Variants in PAQR3 observed in about 807,000 individuals in gnomAD.
PAQR3 encodes progestin and adipoQ receptor family member 3.
In PAQR3, 39 loss-of-function variants were observed where a neutral mutation model predicts 41.7. The ratio of observed to expected loss-of-function variants is 0.93; its 90% CI spans 0.72 to 1.22. The LOEUF (loss-of-function observed/expected upper bound fraction) is 1.22, where lower values mean the gene tolerates loss of function less well. Ranked by LOEUF, PAQR3 falls within the 50% of genes most tolerant of loss-of-function variation. The pLI is 0.00. For synonymous variants in PAQR3, 140 were observed against 140.6 expected (o/e 1.00, Z 0.03); for missense variants, 366 against 385.6 (o/e 0.95, Z 0.42).
chr4:78,939,205 T>A lies in PAQR3; in HGVS notation c.20A>T (p.Lys7Met), dbSNP rs1737775579. 2.5e-6 allele frequency: 4 copies of A among 1,601,926 alleles called. No homozygotes were observed. The highest frequency in any genetic ancestry group is 1.4e-5 in the African/African-American group (1 of 73,660). The change falls in exon 1 of 6, where the codon AAG becomes ATG. Residue 7 changes from lysine (K) to methionine (M), a missense_variant. Lys to Met is a moderately conservative substitution (Grantham distance 95). Coordinates refer to ENST00000512733, the MANE Select transcript of PAQR3 (RefSeq NM_001040202.2). Reference protein sequence around the residue: MHQKLLKSAHYIELGSY... With the variant: MHQKLLMSAHYIELGSY... ...GCCCAGCTCGATGTAATGCGCGCTC[T>A]TCAGCAGCTTCTGATGCATCGTTCC...
rs764573433 is a variant in PAQR3 at position 78,939,194 on chromosome 4, A to G, written c.31T>C (p.Tyr11His). 1.2e-6 allele frequency: 2 copies of G among 1,608,530 alleles called. No individual in the cohort carries two copies. The highest frequency in any genetic ancestry group is 1.7e-6 in the Non-Finnish European group (2 of 1,177,694). Residue 11 changes from tyrosine (Y) to histidine (H), a missense_variant, in exon 1 of 6, where the codon TAC becomes CAC. Tyr to His is a moderately conservative substitution (Grantham distance 83). Transcript: ENST00000512733. MHQKLLKSAH[Y>H]IELGSYQYWP... ...TACTGGTAGCTGCCCAGCTCGATGT[A>G]ATGCGCGCTCTTCAGCAGCTTCTGA...
downstream of PAQR3, chr4:78,911,234 A>G: frequency 6.2e-7 from 1 of 1,613,980 alleles, no homozygotes; most frequent in Non-Finnish European, 8.5e-7. Flanking sequence ...GAGGAATTTG[A>G]TGTATTCACA....
At chr4:78,927,093 T>C (rs1284111521) in intron 3 of PAQR3, among the ~76,000 whole-genome samples, 1 of 152,182 alleles carries the variant, frequency 6.6e-6, no homozygotes, top group Non-Finnish European at 1.5e-5. Flanking sequence ...AATCTTATGG[T>C]AGATACCGTA....
intron 1 of PAQR3, 67 bp downstream of exon 1, chr4:78,938,973 G>A: frequency 7.0e-7 from 1 of 1,429,388 alleles, no homozygotes; most frequent in Admixed American, 2.0e-5. Flanking sequence ...AAAGCAGAAG[G>A]GGGACCAGAC....
At chr4:78,894,294 A>G (rs1560550339) in intron 11 of PAQR3, among the ~76,000 whole-genome samples, 1 of 152,206 alleles carries the variant, frequency 6.6e-6, no homozygotes, top group Non-Finnish European at 1.5e-5. Context: ...ATAGCTCTAA[A>G]AGTCCTAGAT....
At chr4:78,924,616 A>G (rs1303365044) in intron 4 of PAQR3, among the ~76,000 whole-genome samples, 1 of 152,080 alleles carries the variant, frequency 6.6e-6, no homozygotes, top group Non-Finnish European at 1.5e-5. Flanking sequence ...CAACACAGTA[A>G]GACCCCTCTC....
rs1269925550 is a variant in PAQR3 at position 78,913,704 on chromosome 4, A to G, written c.*6835T>C. 1.3e-5 allele frequency: 2 copies of G among 152,174 alleles called. No homozygotes were observed. Among genetic ancestry groups the G allele is most frequent in the Non-Finnish European group, 2.9e-5 (2 of 68,004 alleles). The allele number at this position is 152,174 out of a possible 1,614,324, so 9.4% of individuals were successfully genotyped here. ...TTCTGAACTTGGAAAGAAGCAAAGT[A>G]TATGTAACTAAACCACATATTTGTC... is the stretch of plus-strand genomic sequence containing the variant. On this transcript the variant is annotated 3_prime_UTR_variant, in exon 6 of 6. Coordinates refer to ENST00000512733, the MANE Select transcript of PAQR3 (RefSeq NM_001040202.2).
downstream of PAQR3, among the ~76,000 whole-genome samples, chr4:78,909,950 T>A (rs1166423518): frequency 7.5e-6 from 1 of 132,500 alleles, no homozygotes. Context: ...TTTAGATTTG[T>A]TTTTAAAGGA....
At chr4:78,897,428 G>T (rs1733760487) in intron 11 of PAQR3, among the ~76,000 whole-genome samples, 1 of 151,548 alleles carries the variant, frequency 6.6e-6, no homozygotes, top group Non-Finnish European at 1.5e-5. Context: ...GTACAAATGT[G>T]TCTCTGCTAT....
intron 2 of PAQR3, among the ~76,000 whole-genome samples, chr4:78,932,085 G>A (rs1462182768): frequency 6.6e-6 from 1 of 152,128 alleles, no homozygotes; most frequent in African/African-American, 2.4e-5. Flanking sequence ...TATTGCTAAG[G>A]CAGTAACATG....
At position 78,917,071 on chromosome 4, in the gene PAQR3, G is replaced by C. The variant is rs1400285294; in HGVS notation, c.*3468C>G. On this transcript the variant is annotated 3_prime_UTR_variant, in exon 6 of 6. Coordinates refer to ENST00000512733, the MANE Select transcript of PAQR3 (RefSeq NM_001040202.2). ...TGATTAGAAAAGTTCTATTAACAAA[G>C]AATAGTTTGCAGTGTATTACTGTTC... 1 of 151,914 alleles carries C rather than the reference G, an allele frequency of 6.6e-6. No homozygotes were observed. The highest frequency in any genetic ancestry group is 2.4e-5 in the African/African-American group (1 of 41,416). 9.4% of individuals were successfully genotyped at this position (151,914 alleles called of 1,614,324 possible). A position where few individuals can be genotyped will look rare whatever the true frequency, so the allele number is the denominator to read the frequency against.
rs1460993179 is a variant in PAQR3 at position 78,895,927 on chromosome 4, AATTT to A, written c.*837-7783_*837-7780del. On this transcript the variant is annotated intron_variant and NMD_transcript_variant, in intron 11 of 12. Coordinates refer to the PAQR3 transcript ENST00000342820. ...CAAGCAGAAGCTACCTCGCCCAGCTAATTTTTTAATTTTTAGTAGAGACAAGGTC... is the reference window on the plus strand; with the variant it reads ...CAAGCAGAAGCTACCTCGCCCAGCTATTTAATTTTTAGTAGAGACAAGGTC... Among the ~76,000 whole-genome samples the A allele has an allele frequency of 3.3e-5, 5 of 151,922 alleles. No individual in the cohort carries two copies. In the East Asian group the frequency reaches 9.7e-4, roughly 30 times the overall value.
rs182387247 is a variant in PAQR3 at position 78,912,770 on chromosome 4, A to G, written c.*7769T>C. On this transcript the variant is annotated 3_prime_UTR_variant, in exon 6 of 6. Transcript: ENST00000512733. The stretch of plus-strand genomic sequence containing the variant: ...TAATTTTTGTCAGTTAAAACAAATT[A>G]AAAAAATGGACTATCGTCGCACAGA... 6 of 151,132 alleles carry G rather than the reference A, an allele frequency of 4.0e-5. No individual in the cohort carries two copies. Among genetic ancestry groups the G allele is most frequent in the Non-Finnish European group, 7.4e-5 (5 of 67,876 alleles). The allele number at this position is 151,132 out of a possible 1,614,324, so 9.4% of individuals were successfully genotyped here. A position where few individuals can be genotyped will look rare whatever the true frequency, so the allele number is the denominator to read the frequency against.
intron 3 of PAQR3, among the ~76,000 whole-genome samples, chr4:78,928,298 A>C (rs41509244): frequency 1.7e-4 from 26 of 152,122 alleles, no homozygotes; most frequent in African/African-American, 6.3e-4. Context: ...AAAATGAGTA[A>C]GTTATGAAAG....
In PAQR3 at chr4:78,917,160, C is replaced by G. The variant is rs1465619255; in HGVS notation, c.*3379G>C. ...AATTTGAGCTATTTATTTTGGATAA[C>G]GAATACCTTTTTAAGGAAGCCCAGG... On this transcript the variant is annotated 3_prime_UTR_variant, in exon 6 of 6. Coordinates refer to ENST00000512733, the MANE Select transcript of PAQR3 (RefSeq NM_001040202.2). 2 of 151,856 alleles carry G rather than the reference C, an allele frequency of 1.3e-5. No individual in the cohort carries two copies. The highest frequency in any genetic ancestry group is 6.6e-5 in the Admixed American group (1 of 15,204). 9.4% of individuals were successfully genotyped at this position (151,856 alleles called of 1,614,324 possible).
At chr4:78,911,340 A>G, downstream of PAQR3, 1 of 1,613,578 alleles carries the variant, frequency 6.2e-7, no homozygotes, top group Non-Finnish European at 8.5e-7. Flanking sequence ...GTGTAGATGT[A>G]TTTGGCTCCA....
rs182895415 is a variant in PAQR3, at chr4:78,924,038, T to C, written c.703-91A>G. The C allele has an allele frequency of 1.7e-3, 1,654 of 994,444 alleles. 20 individuals carry two copies. Among genetic ancestry groups the C allele is most frequent in the South Asian group, 0.012 (825 of 71,312 alleles). 61.6% of individuals were successfully genotyped at this position (994,444 alleles called of 1,614,324 possible). ...ATCTAATAGTGGGATTTAAGATTGT[T>C]AAATCTGAACTGTTTTGCAGACTGT... On this transcript the variant is annotated intron_variant, in intron 4 of 5. Coordinates refer to ENST00000512733, the MANE Select transcript of PAQR3 (RefSeq NM_001040202.2).
rs1168853152 is a variant in PAQR3, at chr4:78,917,330, TTA to T, written c.*3207_*3208del. The T allele has an allele frequency of 6.6e-6, 1 of 151,932 alleles. No homozygotes were observed. The highest frequency in any genetic ancestry group is 2.4e-5 in the African/African-American group (1 of 41,410). The allele number at this position is 151,932 out of a possible 1,614,324, so 9.4% of individuals were successfully genotyped here. A position where few individuals can be genotyped will look rare whatever the true frequency, so the allele number is the denominator to read the frequency against. On this transcript the variant is annotated 3_prime_UTR_variant, in exon 6 of 6. Coordinates refer to ENST00000512733, the MANE Select transcript of PAQR3 (RefSeq NM_001040202.2). Reference sequence around the variant, plus strand: ...TTAGGTAGTATTTTGATCTCAGATTTTATAGAGCAGGACTAGAACCTTGGTGG... The same window carrying T: ...TTAGGTAGTATTTTGATCTCAGATTTTAGAGCAGGACTAGAACCTTGGTGG...
chr4:78,917,964 C>CATA lies in PAQR3; in HGVS notation c.*2572_*2574dup. The stretch of plus-strand genomic sequence containing the variant: ...ATATTTAGTAAACCCAGTTTATTTA[C>CATA]ATAATACATATTTTGTCATGCAGCT... On this transcript the variant is annotated 3_prime_UTR_variant, in exon 6 of 6. Coordinates refer to ENST00000512733, the MANE Select transcript of PAQR3 (RefSeq NM_001040202.2). The CATA allele has an allele frequency of 1.0e-6, 1 of 983,912 alleles. No homozygotes were observed. The highest frequency in any genetic ancestry group is 1.7e-5 in the African/African-American group (1 of 57,242). 60.9% of individuals were successfully genotyped at this position (983,912 alleles called of 1,614,324 possible).
Sources: allele counts gnomAD v4.1 joint callset (sites outside exome capture counted in the v4.1 genomes callset), GRCh38; gene constraint gnomAD v4.1.1; transcripts MANE v1.5; gene names NCBI Gene and HGNC (gene_info 2026-07-23, HGNC 2026-07-21).